The following ASAP2 variants were observed in gnomAD, a reference collection of about 807,000 sequenced individuals.
ASAP2 encodes arf-GAP with SH3 domain, ANK repeat and PH domain-containing protein 2.
ASAP2 carries 45 observed loss-of-function variants against 131.4 expected under a neutral mutation model. The ratio of observed to expected loss-of-function variants is 0.34; its 90% confidence interval spans 0.27 to 0.44. ASAP2 has a LOEUF of 0.44. Ranked by LOEUF, ASAP2 falls within the 20% of genes least tolerant of loss-of-function variation. ASAP2 has a pLI of 1.00. For missense variants in ASAP2, 1,011 were observed against 1,297.0 expected (o/e 0.78, Z 3.39); for synonymous variants, 510 against 503.0 (o/e 1.01, Z -0.19).
At position 9,387,213 on chromosome 2, in the gene ASAP2, CA is replaced by C. The variant is rs60187435; in HGVS notation, c.2131-1067del. On this transcript the variant is annotated intron_variant, in intron 21 of 27. Transcript: ENST00000281419. ...TGGGCAACAGAGAGAGACTCTGTCT[CA>C]AAAAAAAAAAAAACCATATAACCTT... Among the ~76,000 whole-genome samples the C allele has an allele frequency of 3.8e-3, 361 of 95,212 alleles. 2 individuals are homozygous for C. Among genetic ancestry groups the C allele is most frequent in the East Asian group, 8.4e-3 (30 of 3,572 alleles). 62.5% of individuals were successfully genotyped at this position (95,212 alleles called of 152,430 possible). A position where few individuals can be genotyped will look rare whatever the true frequency, so the allele number is the denominator to read the frequency against.
intron 3 of ASAP2, among the ~76,000 whole-genome samples, chr2:9,304,868 G>C (rs1245092704): frequency 6.7e-6 from 1 of 148,912 alleles, no homozygotes; most frequent in Admixed American, 6.7e-5. Context: ...TGTAATAGTG[G>C]GGTATAGATA....
intron 15 of ASAP2, among the ~76,000 whole-genome samples, chr2:9,365,961 A>G (rs563777419): frequency 1.3e-3 from 198 of 152,148 alleles, no homozygotes; most frequent in Non-Finnish European, 2.3e-3. Flanking sequence ...GTCTGGCTCA[A>G]TTTCTGCCTC....
rs1255155393 is a variant in ASAP2, at chr2:9,207,925, G to A, written c.126+695G>A. On this transcript the variant is annotated intron_variant, in intron 1 of 27. Transcript: ENST00000281419. This position sits in a 1 kb window ranked among gnomAD's most constrained non-coding sequence, Gnocchi z 4.1. The stretch of plus-strand genomic sequence containing the variant: ...TCAACCTGGAAAAGGCCTGGTTTTA[G>A]TAAAGTGCTCTCAAGGTGCAAAGTC... Among the ~76,000 whole-genome samples, 1 of 152,222 alleles carries A rather than the reference G, an allele frequency of 6.6e-6. No individual in the cohort carries two copies. The highest frequency in any genetic ancestry group is 2.4e-5 in the African/African-American group (1 of 41,464).
intron 5 of ASAP2, 133 bp from the exon 6 acceptor site, chr2:9,322,988 T>C (rs1022384359): frequency 5.6e-6 from 6 of 1,072,734 alleles, no homozygotes; most frequent in Non-Finnish European, 8.1e-6. Context: ...TTTGAGGGAG[T>C]TGAGAGGCTG....
chr2:9,223,653 GA>G (rs1662578781), intron 1 of ASAP2, among the ~76,000 whole-genome samples: 1 of 152,160 alleles, frequency 6.6e-6, no homozygotes. Flanking sequence ...CAATGAAGTA[GA>G]AAGTAAGCTA....
chr2:9,306,163 G>A (rs1295425969), intron 3 of ASAP2, among the ~76,000 whole-genome samples: 1 of 151,052 alleles, frequency 6.6e-6, no homozygotes, highest in East Asian at 1.9e-4. Flanking sequence ...TGGGGTGGAG[G>A]GGCTCTAGGG....
At chr2:9,400,290 T>C (rs1386836998) in intron 25 of ASAP2, among the ~76,000 whole-genome samples, 199 of 45,184 alleles carry the variant, frequency 4.4e-3, no homozygotes, top group Non-Finnish European at 5.7e-3. Context: ...CCCTCCTTCC[T>C]TCCTTCCTCC....
At chr2:9,214,667 G>T (rs1320339000) in intron 1 of ASAP2, among the ~76,000 whole-genome samples, 1 of 151,964 alleles carries the variant, frequency 6.6e-6, no homozygotes, top group African/African-American at 2.4e-5. Flanking sequence ...TTCTATGAAG[G>T]GATTTGACTG....
intron 16 of ASAP2, among the ~76,000 whole-genome samples, chr2:9,370,606 A>G (rs576035109): frequency 6.6e-6 from 1 of 152,302 alleles, no homozygotes; most frequent in South Asian, 2.1e-4. Context: ...AAAGGGAGAT[A>G]ACGTTCCCCC....
At chr2:9,286,447 A>AAAAAAAAAATATATATAT (rs58605449) in intron 2 of ASAP2, among the ~76,000 whole-genome samples, 2 of 148,420 alleles carry the variant, frequency 1.3e-5, no homozygotes, top group African/African-American at 5.1e-5. Flanking sequence ...GAAAAAAAAA[A>AAAAAAAAAATATATATAT]ATATATATAT....
Position 9,219,131 on chromosome 2 carries a change from G to A in ASAP2, c.126+11901G>A, listed in dbSNP as rs143753578. The stretch of plus-strand genomic sequence containing the variant: ...GTGAAAAGCAGGTTGTGTTAGTGAT[G>A]ATCATGGGGTTTTGTGGTCATTGAG... On this transcript the variant is annotated intron_variant, in intron 1 of 27. Coordinates refer to ENST00000281419, the MANE Select transcript of ASAP2 (RefSeq NM_003887.3). Among the ~76,000 whole-genome samples, 360 of 152,300 alleles carry A rather than the reference G, an allele frequency of 2.4e-3. 3 individuals carry two copies. The highest frequency in any genetic ancestry group is 8.5e-3 in the African/African-American group (352 of 41,570).
intron 2 of ASAP2, among the ~76,000 whole-genome samples, chr2:9,284,701 G>A (rs1005543851): frequency 2.6e-5 from 4 of 152,200 alleles, no homozygotes; most frequent in Admixed American, 6.5e-5. Flanking sequence ...CCTTGCAGTG[G>A]CTGCCATGGG....
chr2:9,387,213 C>CA (rs60187435), intron 21 of ASAP2, among the ~76,000 whole-genome samples: 1,648 of 95,002 alleles, frequency 0.017, 16 homozygotes, highest in Middle Eastern at 0.025. Context: ...GACTCTGTCT[C>CA]AAAAAAAAAA....
At chr2:9,385,802 G>C (rs765181103) in intron 21 of ASAP2, among the ~76,000 whole-genome samples, 3 of 152,226 alleles carry the variant, frequency 2.0e-5, no homozygotes, top group Non-Finnish European at 4.4e-5. Context: ...TCCTTTATCA[G>C]TTTGGGATAT....
intron 18 of ASAP2, 37 bp downstream of exon 18, chr2:9,377,030 T>C (rs766555546): frequency 6.4e-7 from 1 of 1,565,020 alleles, no homozygotes; most frequent in Non-Finnish European, 8.8e-7. Flanking sequence ...ACTCGTTTTC[T>C]CCTTGGTATT....
intron 17 of ASAP2, 55 bp downstream of exon 17, chr2:9,374,999 G>T: frequency 6.7e-7 from 1 of 1,489,122 alleles, no homozygotes; most frequent in Non-Finnish European, 9.0e-7. Context: ...GGCCACGGTG[G>T]CTCATGCCTG....
At chr2:9,208,333 A>AGG (rs1266307907) in intron 1 of ASAP2, among the ~76,000 whole-genome samples, 1 of 75,634 alleles carries the variant, frequency 1.3e-5, no homozygotes, top group Non-Finnish European at 2.4e-5. Context: ...CTGGGCTAGC[A>AGG]GGAGTGTGTG....
chr2:9,286,676 T>C (rs1245632871), intron 2 of ASAP2, among the ~76,000 whole-genome samples: 1 of 152,176 alleles, frequency 6.6e-6, no homozygotes, highest in Non-Finnish European at 1.5e-5. Flanking sequence ...TTCACTTTGT[T>C]GTTGCACTGC....
intron 9 of ASAP2, among the ~76,000 whole-genome samples, chr2:9,342,231 G>A (rs114495069): frequency 0.011 from 1,742 of 152,314 alleles, 32 homozygotes; most frequent in African/African-American, 0.04. Context: ...GAAGAACAAA[G>A]TTGGAGGATT....
Sources: allele counts gnomAD v4.1 joint callset (sites outside exome capture counted in the v4.1 genomes callset), GRCh38; gene constraint gnomAD v4.1.1; non-coding constraint Gnocchi (gnomAD v3.1); transcripts MANE v1.5; gene names NCBI Gene and HGNC (gene_info 2026-07-23, HGNC 2026-07-21).